The following MYO18B variants were observed in gnomAD, a reference collection of about 807,000 sequenced individuals.
MYO18B encodes myosin XVIIIB, also known as unconventional myosin-XVIIIb.
A neutral mutation model predicts 273.0 loss-of-function variants in MYO18B; 204 were observed. That is an observed-to-expected ratio of 0.75 (90% CI 0.67 to 0.84). The LOEUF (loss-of-function observed/expected upper bound fraction) is 0.84, where lower values mean the gene tolerates loss of function less well. MYO18B is among the 40% of genes least tolerant of loss of function. The pLI is 0.00. For missense variants in MYO18B, 3,212 were observed against 3,287.6 expected (o/e 0.98, Z 0.56); for synonymous variants, 1,330 against 1,305.7 (o/e 1.02, Z -0.40).
At chr22:25,989,862 A>G (rs763119488) in intron 39 of MYO18B, among the ~76,000 whole-genome samples, 1 of 151,258 alleles carries the variant, frequency 6.6e-6, no homozygotes, top group Non-Finnish European at 1.5e-5. Flanking sequence ...TGCATTTATG[A>G]GCTGACATGC....
intron 11 of MYO18B, among the ~76,000 whole-genome samples, chr22:25,792,720 C>T (rs2087734875): frequency 1.3e-5 from 2 of 151,992 alleles, no homozygotes; most frequent in South Asian, 2.1e-4. Context: ...GTTTCAATCT[C>T]GACCTCGTGA....
chr22:25,744,445 A>G (rs1475033833), intron 1 of MYO18B, among the ~76,000 whole-genome samples: 1 of 152,154 alleles, frequency 6.6e-6, no homozygotes, highest in African/African-American at 2.4e-5. Flanking sequence ...ATATTTAAAC[A>G]AAGTGGCCGG....
chr22:25,763,268 C>T lies in MYO18B; in HGVS notation c.77C>T (p.Pro26Leu), dbSNP rs749791709. 1.2e-6 allele frequency: 2 copies of T among 1,611,732 alleles called. No homozygotes were observed. The highest frequency in any genetic ancestry group is 1.7e-6 in the Non-Finnish European group (2 of 1,178,996). Residue 26 changes from proline (P) to leucine (L), a missense_variant, in exon 3 of 44, where the codon CCC (proline) becomes CTC (leucine). Transcript: ENST00000335473. ...EEDKSPPPSS[P>L]PPLFSVIPGG... Reference sequence around the variant, plus strand: ...GACAAGAGCCCTCCACCATCCTCGCCCCCTCCTCTTTTCTCTGTCATCCCA... The same window carrying T: ...GACAAGAGCCCTCCACCATCCTCGCTCCCTCCTCTTTTCTCTGTCATCCCA...
chr22:25,812,873 G>A (rs768590985), intron 12 of MYO18B, among the ~76,000 whole-genome samples: 1 of 152,308 alleles, frequency 6.6e-6, no homozygotes, highest in Middle Eastern at 3.4e-3. Flanking sequence ...CACCCAATGA[G>A]GCTACAGGGG....
chr22:25,944,513 C>G (rs1355805960), intron 34 of MYO18B, among the ~76,000 whole-genome samples: 1 of 152,138 alleles, frequency 6.6e-6, no homozygotes, highest in African/African-American at 2.4e-5. Context: ...ATGTTCAGCA[C>G]TCTGAATGTG....
intron 42 of MYO18B, among the ~76,000 whole-genome samples, chr22:26,023,308 G>A (rs1403660584): frequency 3.3e-5 from 5 of 151,784 alleles, no homozygotes; most frequent in African/African-American, 7.3e-5. Flanking sequence ...GATTGAATTC[G>A]ACAGCATTTG....
intron 39 of MYO18B, among the ~76,000 whole-genome samples, chr22:25,988,191 C>A (rs533484748): frequency 2.0e-5 from 3 of 151,996 alleles, no homozygotes; most frequent in Admixed American, 6.6e-5. Context: ...GGGTCTCTGG[C>A]TGGGGCCTTG....
chr22:25,880,857 G>T (rs1304488450), intron 25 of MYO18B, among the ~76,000 whole-genome samples: 2 of 152,228 alleles, frequency 1.3e-5, no homozygotes, highest in African/African-American at 4.8e-5. Flanking sequence ...GGGGATGTTG[G>T]ACTCTAGATC....
At chr22:26,036,875 T>C in the MYO18B span, among the ~76,000 whole-genome samples, 1 of 152,216 alleles carries the variant, frequency 6.6e-6, no homozygotes, top group African/African-American at 2.4e-5. Flanking sequence ...GCAATTTTCA[T>C]TGTTCAGCGA....
intron 32 of MYO18B, among the ~76,000 whole-genome samples, chr22:25,910,664 G>A (rs954729652): frequency 6.6e-6 from 1 of 152,194 alleles, no homozygotes; most frequent in Admixed American, 6.5e-5. Flanking sequence ...ATGGCTGCAG[G>A]AGAGAGGCAT....
At chr22:26,063,234 T>C in the MYO18B span, among the ~76,000 whole-genome samples, 1 of 152,196 alleles carries the variant, frequency 6.6e-6, no homozygotes, top group African/African-American at 2.4e-5. Flanking sequence ...AGAAGCAGTT[T>C]TCATTCAGAA....
chr22:25,874,652 A>T (rs566441764), intron 23 of MYO18B, among the ~76,000 whole-genome samples: 35 of 152,162 alleles, frequency 2.3e-4, no homozygotes, highest in Admixed American at 4.6e-4. Context: ...TCCTGGGCTG[A>T]TTCATGACTT....
intron 21 of MYO18B, among the ~76,000 whole-genome samples, chr22:25,860,750 G>A (rs1253525184): frequency 6.6e-6 from 1 of 152,020 alleles, no homozygotes; most frequent in African/African-American, 2.4e-5. Flanking sequence ...TTATTTTGTG[G>A]CCTAATATTA....
At chr22:25,814,936 G>A (rs963464952) in intron 12 of MYO18B, among the ~76,000 whole-genome samples, 1 of 152,184 alleles carries the variant, frequency 6.6e-6, no homozygotes, top group Non-Finnish European at 1.5e-5. Flanking sequence ...CATAGGGAGG[G>A]GAAGAGCCCA....
intron 12 of MYO18B, among the ~76,000 whole-genome samples, chr22:25,816,114 G>A (rs2088991983): frequency 6.6e-6 from 1 of 152,182 alleles, no homozygotes; most frequent in South Asian, 2.1e-4. Flanking sequence ...TGAAGTTCTA[G>A]CCTCTAAGAA....
At position 26,027,787 on chromosome 22, in the gene MYO18B, C is replaced by G; in HGVS notation, c.*12+97C>G. On this transcript the variant is annotated intron_variant, in intron 43 of 43. Coordinates refer to ENST00000335473, the MANE Select transcript of MYO18B (RefSeq NM_032608.7). The surrounding 1 kb of genome is among the most constrained non-coding windows in gnomAD (Gnocchi z 4.1). ...CCACTACTGTCCTTAATGCCACAAC[C>G]GATTTCTCTAGAGACCAAGATTTTT... 1.5e-6 allele frequency: 2 copies of G among 1,313,830 alleles called. No individual in the cohort carries two copies. Among genetic ancestry groups the G allele is most frequent in the Non-Finnish European group, 2.0e-6 (2 of 980,852 alleles). The allele number at this position is 1,313,830 out of a possible 1,614,324, so 81.4% of individuals were successfully genotyped here. A position where few individuals can be genotyped will look rare whatever the true frequency, so the allele number is the denominator to read the frequency against.
chr22:26,048,411 A>G, the MYO18B span, among the ~76,000 whole-genome samples: 3 of 151,994 alleles, frequency 2.0e-5, no homozygotes, highest in African/African-American at 7.3e-5. Flanking sequence ...CATTGTTATT[A>G]CCATTATTGT....
chr22:25,752,965 G>C (rs2085981339), intron 1 of MYO18B, among the ~76,000 whole-genome samples: 1 of 152,222 alleles, frequency 6.6e-6, no homozygotes, highest in Non-Finnish European at 1.5e-5. Context: ...TGCGGAGGGT[G>C]CGCTGGGTCC....
At chr22:25,851,925 C>T (rs1386491167) in intron 21 of MYO18B, among the ~76,000 whole-genome samples, 2 of 152,078 alleles carry the variant, frequency 1.3e-5, no homozygotes, top group African/African-American at 2.4e-5. Context: ...ACTTGGGACC[C>T]GACTCAGCCC....
Sources: allele counts gnomAD v4.1 joint callset (sites outside exome capture counted in the v4.1 genomes callset), GRCh38; gene constraint gnomAD v4.1.1; non-coding constraint Gnocchi (gnomAD v3.1); transcripts MANE v1.5; gene names NCBI Gene and HGNC (gene_info 2026-07-23, HGNC 2026-07-21).